Variants in SLFN12L observed in about 807,000 individuals in gnomAD.
SLFN12L encodes the protein schlafen family member 12-like.
Under a neutral mutation model 34.8 loss-of-function variants are expected in SLFN12L, and 34 were observed. That is an observed-to-expected ratio of 0.98 (90% CI 0.74 to 1.30). SLFN12L has a LOEUF of 1.30. Ranked by LOEUF, SLFN12L falls within the 50% of genes most tolerant of loss-of-function variation. SLFN12L has a pLI of 0.00. For synonymous variants in SLFN12L, 259 were observed against 247.5 expected, an observed-to-expected ratio of 1.05 and a Z score of -0.44; for missense variants, 703 against 696.2, an observed-to-expected ratio of 1.01 and a Z score of -0.11.
At chr17:35,480,228 GC>G (rs1914272719) in intron 2 of SLFN12L, 33 bp from the exon 3 acceptor site, 2 of 1,483,756 alleles carry the variant, frequency 1.3e-6, no homozygotes. Flanking sequence ...TAGGAGTTAA[GC>G]CTGAGAGACA....
intron 1 of SLFN12L, among the ~76,000 whole-genome samples, chr17:35,532,396 C>T (rs1417452549): frequency 1.3e-5 from 2 of 149,274 alleles, no homozygotes; most frequent in African/African-American, 2.5e-5. Flanking sequence ...GCCGAGATTG[C>T]ACCACTGCAC....
At chr17:35,522,005 A>G (rs1013303466) in intron 2 of SLFN12L, among the ~76,000 whole-genome samples, 4 of 152,118 alleles carry the variant, frequency 2.6e-5, no homozygotes, top group African/African-American at 9.7e-5. Flanking sequence ...GCATTAGGAG[A>G]TATACCTAAT....
intron 2 of SLFN12L, among the ~76,000 whole-genome samples, chr17:35,493,203 G>C (rs1597849936): frequency 1.3e-5 from 2 of 152,168 alleles, no homozygotes; most frequent in African/African-American, 2.4e-5. Context: ...CACTGGACTT[G>C]GTACAAAATG....
Position 35,522,395 on chromosome 17 carries a change from G to C in SLFN12L, c.-31C>G, listed in dbSNP as rs1433004330. 1.9e-6 allele frequency: 3 copies of C among 1,614,170 alleles called. No individual in the cohort carries two copies. The South Asian group carries it at 3.3e-5, about 18-fold the overall frequency. The stretch of plus-strand genomic sequence containing the variant: ...TCATGGCCATGATGGTCTTTCCTAA[G>C]CCAGGTAAGCCATGGACAAACAATT... On this transcript the variant is annotated 5_prime_UTR_variant, in exon 2 of 5. Transcript: ENST00000628453.
rs1913819234 is a variant in SLFN12L, at chr17:35,472,186, G to A, written c.*2737C>T. On this transcript the variant is annotated 3_prime_UTR_variant, in exon 5 of 5. Coordinates refer to ENST00000628453, the MANE Select transcript of SLFN12L (RefSeq NM_001363830.2). Reference sequence around the variant, plus strand: ...CTAGGTTTTCTTCTAGAGTTTTTATGGTTTTGAGTTTTGCATTTAAGTCTT... The same window carrying A: ...CTAGGTTTTCTTCTAGAGTTTTTATAGTTTTGAGTTTTGCATTTAAGTCTT... 6.6e-6 allele frequency among the ~76,000 whole-genome samples: 1 copy of A among 152,038 alleles called. No homozygotes were observed. Among genetic ancestry groups the A allele is most frequent in the African/African-American group, 2.4e-5 (1 of 41,358 alleles).
In SLFN12L at chr17:35,511,953, A is replaced by G. The variant is rs540478701; in HGVS notation, c.86+10326T>C. ...TTTTTTGTAAGTGTACAACGTTAGC[A>G]CATGGAAACATTCAAGCTGTTTATC... On this transcript the variant is annotated intron_variant, in intron 2 of 4. Transcript: ENST00000628453. Among the ~76,000 whole-genome samples, 10 of 152,290 alleles carry G rather than the reference A, an allele frequency of 6.6e-5. No individual in the cohort carries two copies. In the East Asian group the frequency reaches 1.5e-3, roughly 23 times the overall value.
intron 2 of SLFN12L, among the ~76,000 whole-genome samples, chr17:35,485,703 G>T (rs1371335583): frequency 6.6e-6 from 1 of 152,162 alleles, no homozygotes; most frequent in Non-Finnish European, 1.5e-5. Context: ...TGAGAGACAG[G>T]GATCCAGTTT....
intron 2 of SLFN12L, among the ~76,000 whole-genome samples, chr17:35,493,607 T>C (rs996341441): frequency 6.6e-6 from 1 of 152,250 alleles, no homozygotes; most frequent in African/African-American, 2.4e-5. Flanking sequence ...TAATTAGATG[T>C]CCATACTGTA....
At chr17:35,510,397 A>G (rs1410782763) in intron 2 of SLFN12L, 3 of 152,260 alleles carry the variant, frequency 2.0e-5, no homozygotes, top group Non-Finnish European at 4.4e-5. Context: ...TAGTGTATGC[A>G]TGCAGTGAAA....
At chr17:35,513,595 A>C (rs142473700) in intron 2 of SLFN12L, among the ~76,000 whole-genome samples, 176 of 152,326 alleles carry the variant, frequency 1.2e-3, no homozygotes, top group African/African-American at 3.9e-3. Flanking sequence ...GTCGTTCTGA[A>C]ACTGAGTCTG....
intron 2 of SLFN12L, among the ~76,000 whole-genome samples, chr17:35,492,969 AC>A (rs58449674): frequency 0.63 from 95,038 of 150,106 alleles, 30,530 homozygotes; most frequent in Middle Eastern, 0.76. Context: ...GAAAAAAAAA[AC>A]ACACACACAC....
At chr17:35,498,183 G>GTGGGGAGCCGGGGACGCC in intron 2 of SLFN12L, 7 of 624,828 alleles carry the variant, frequency 1.1e-5, no homozygotes, top group Non-Finnish European at 1.7e-5. Context: ...AGGCGGCGGC[G>GTGGGGAGCCGGGGACGCC]TGGGGAGCCG....
chr17:35,498,326 G>A (rs1915169986), intron 2 of SLFN12L: 1 of 888,658 alleles, frequency 1.1e-6, no homozygotes, highest in East Asian at 2.4e-5. Flanking sequence ...GGCTGCCACA[G>A]ACTGCTGAAG....
chr17:35,527,792 C>T (rs1358919069), intron 1 of SLFN12L, among the ~76,000 whole-genome samples: 1 of 152,100 alleles, frequency 6.6e-6, no homozygotes, highest in Non-Finnish European at 1.5e-5. Flanking sequence ...AAAACCAGCA[C>T]AAGACAAGGA....
At position 35,522,597 on chromosome 17, in the gene SLFN12L, G is replaced by T; in HGVS notation, c.-233C>A. 1 of 1,609,900 alleles carries T rather than the reference G, an allele frequency of 6.2e-7. No individual in the cohort carries two copies. Among genetic ancestry groups the T allele is most frequent in the Non-Finnish European group, 8.5e-7 (1 of 1,178,090 alleles). On this transcript the variant is annotated 5_prime_UTR_variant, in exon 2 of 5. It introduces an in-frame stop codon into an upstream open reading frame of the 5' UTR. Transcript: ENST00000628453. ...TGCCTGCAAAACTATAGGACGCAGG[G>T]TAATCCATCGGAGACACTGCAGCCT... is the stretch of plus-strand genomic sequence containing the variant.
chr17:35,529,527 G>A (rs1487119355), intron 1 of SLFN12L, among the ~76,000 whole-genome samples: 1 of 152,184 alleles, frequency 6.6e-6, no homozygotes, highest in Non-Finnish European at 1.5e-5. Flanking sequence ...TAAAAAGGAT[G>A]AGTGCATTGC....
At chr17:35,490,512 TAAG>T (rs1194811086) in intron 2 of SLFN12L, 7 of 888,510 alleles carry the variant, frequency 7.9e-6, no homozygotes, top group African/African-American at 6.5e-5. Flanking sequence ...TCCATCTCAT[TAAG>T]AAGAAGTCTA....
At position 35,475,484 on chromosome 17, in the gene SLFN12L, C is replaced by G. The variant is rs746628209; in HGVS notation, c.1278G>C (p.Gly426=). The G allele has an allele frequency of 2.5e-6, 4 of 1,581,394 alleles. No individual in the cohort carries two copies. In the Admixed American group the frequency reaches 5.8e-5, roughly 23 times the overall value. Residue 426 remains glycine (G), a splice_region_variant and synonymous_variant, in exon 5 of 5, where the codon GGG becomes GGC. Transcript: ENST00000628453. ...GAGCACAAGTTATCTTTTCTGATAG[C>G]CCTAGATGGGGAAATAATGATAAAT... ...KIQPLRYHLP[G]LSEKITCAPK...
intron 1 of SLFN12L, among the ~76,000 whole-genome samples, chr17:35,533,733 AGCTGT>A (rs1418013129): frequency 6.6e-6 from 1 of 152,180 alleles, no homozygotes; most frequent in East Asian, 1.9e-4. Context: ...TCAGGTGTCC[AGCTGT>A]GCATTGTCTG....
Sources: gnomAD v4.1 joint callset for allele counts (sites outside exome capture counted in the v4.1 genomes callset) on GRCh38, gnomAD v4.1.1 for gene constraint, MANE v1.5 for transcripts, NCBI Gene and HGNC (gene_info 2026-07-23, HGNC 2026-07-21) for gene names.